Variants in C11orf65 observed in about 807,000 individuals in gnomAD.
The protein encoded by C11orf65 is protein MFI.
Under a neutral mutation model 35.3 loss-of-function variants are expected in C11orf65, and 38 were observed. The observed-to-expected ratio is 1.08, with a 90% CI of 0.83 to 1.41. The LOEUF is 1.41. C11orf65 is among the 40% of genes most tolerant of loss of function. The pLI, the probability that C11orf65 is intolerant of heterozygous loss-of-function variation, is 0.00. For synonymous variants in C11orf65, 105 were observed against 114.4 expected, an observed-to-expected ratio of 0.92 and a Z score of 0.53; for missense variants, 370 against 367.1, an observed-to-expected ratio of 1.01 and a Z score of -0.06.
At chr11:108,445,093 A>G (rs1217841832) in intron 2 of C11orf65, among the ~76,000 whole-genome samples, 2 of 152,178 alleles carry the variant, frequency 1.3e-5, no homozygotes, top group African/African-American at 4.8e-5. Flanking sequence ...GATTTGGTAA[A>G]CAAAGCAGCC....
intron 6 of C11orf65, among the ~76,000 whole-genome samples, chr11:108,323,010 A>G (rs2085345094): frequency 6.6e-6 from 1 of 152,116 alleles, no homozygotes; most frequent in Admixed American, 6.6e-5. Context: ...TGGTCTCTAA[A>G]GCCCCTTTTA....
At chr11:108,378,076 A>C (rs2091775036), downstream of C11orf65, among the ~76,000 whole-genome samples, 1 of 152,000 alleles carries the variant, frequency 6.6e-6, no homozygotes, top group Non-Finnish European at 1.5e-5. Context: ...TTATAGATTC[A>C]ATGCCATCCT....
intron 2 of C11orf65, among the ~76,000 whole-genome samples, chr11:108,445,999 G>A (rs548319336): frequency 1.1e-4 from 17 of 152,260 alleles, no homozygotes; most frequent in East Asian, 5.8e-4. Flanking sequence ...GAGCCGACGC[G>A]ATCAACTGGA....
At chr11:108,365,253 T>G in intron 2 of C11orf65, 2 of 1,614,192 alleles carry the variant, frequency 1.2e-6, no homozygotes, top group Non-Finnish European at 1.7e-6. Flanking sequence ...TGTTGTCAGT[T>G]TTTCAGATTT....
intron 2 of C11orf65, among the ~76,000 whole-genome samples, chr11:108,445,225 C>A (rs1310790962): frequency 6.6e-6 from 1 of 152,196 alleles, no homozygotes; most frequent in East Asian, 1.9e-4. Flanking sequence ...TGCAGACTTA[C>A]ATGTCCCTGT....
chr11:108,311,929 A>G (rs747370850), intron 6 of C11orf65, among the ~76,000 whole-genome samples: 3 of 152,180 alleles, frequency 2.0e-5, no homozygotes, highest in African/African-American at 4.8e-5. Context: ...CTGACTGTCA[A>G]ACTTTCTAGT....
intron 2 of C11orf65, among the ~76,000 whole-genome samples, chr11:108,452,299 A>C (rs1377479842): frequency 1.3e-5 from 2 of 152,232 alleles, no homozygotes; most frequent in African/African-American, 4.8e-5. Flanking sequence ...GAACTTAAAC[A>C]AATTTACAAG....
At chr11:108,438,171 A>G (rs2093093652) in intron 2 of C11orf65, among the ~76,000 whole-genome samples, 1 of 152,222 alleles carries the variant, frequency 6.6e-6, no homozygotes, top group Admixed American at 6.5e-5. Context: ...TTTTCAACAA[A>G]TGTATCCGTG....
At chr11:108,330,288 G>A (rs768461085), downstream of C11orf65, 51 of 1,614,066 alleles carry the variant, frequency 3.2e-5, no homozygotes, top group Admixed American at 1.7e-4. Flanking sequence ...GATCGTAAAC[G>A]CTTCTTATGT....
At chr11:108,365,808 T>A in intron 2 of C11orf65, 1 of 382,234 alleles carries the variant, frequency 2.6e-6, no homozygotes, top group South Asian at 2.6e-5. Flanking sequence ...GGTCAGGAGT[T>A]CGAGACCAGC....
In C11orf65 at chr11:108,374,359, C is replaced by T. The variant is rs1353133682; in HGVS notation, c.226+18849G>A. On this transcript the variant is annotated intron_variant, in intron 2 of 3. Coordinates refer to the C11orf65 transcript ENST00000524755. ...ATCCGTGGTTCTGCAGACACCGCTG[C>T]TGATACCCAGGTAAACAGGGTCTGG... 2.1e-5 allele frequency among the ~76,000 whole-genome samples: 3 copies of T among 141,626 alleles called. No individual in the cohort carries two copies. The Admixed American group carries it at 2.3e-4, about 11-fold the overall frequency. 92.9% of individuals were successfully genotyped at this position (141,626 alleles called of 152,430 possible).
intron 2 of C11orf65, among the ~76,000 whole-genome samples, chr11:108,443,421 CAG>C (rs2093193019): frequency 1.3e-5 from 2 of 152,086 alleles, no homozygotes. Context: ...ATCAACGAAA[CAG>C]AAGGTTAACA....
intron 2 of C11orf65, among the ~76,000 whole-genome samples, chr11:108,451,488 G>A (rs1037342096): frequency 1.2e-4 from 18 of 151,872 alleles, no homozygotes; most frequent in Non-Finnish European, 2.5e-4. Context: ...ACAAACCACT[G>A]CTCAACAAAA....
At chr11:108,365,017 A>G (rs2091183843) in intron 2 of C11orf65, 1 of 1,567,728 alleles carries the variant, frequency 6.4e-7, no homozygotes, top group Non-Finnish European at 8.7e-7. Flanking sequence ...TACTGGTTCT[A>G]CTGTTTCTAA....
intron 2 of C11orf65, among the ~76,000 whole-genome samples, chr11:108,437,707 TAAAAA>T (rs145337876): frequency 5.3e-5 from 2 of 38,030 alleles, no homozygotes; most frequent in African/African-American, 2.8e-4. Context: ...GACTCAGTCT[TAAAAA>T]AAAAAAAAAA....
In C11orf65 at chr11:108,385,956, C is replaced by T. The variant is rs1298177479; in HGVS notation, c.751G>A (p.Glu251Lys). The change falls in exon 8 of 9, where the codon GAA becomes AAA. Residue 251 changes from glutamate to lysine, a missense_variant. Coordinates refer to ENST00000393084, the MANE Select transcript of C11orf65 (RefSeq NM_152587.5). ...GCCGAAGAGTTGCTTGTAGCAATTT[C>T]CTTCCAGCTGGCAATGTACCTAAGC... ...NFDEYIASWK[E>K]IATSNSSANF... 3 of 1,613,802 alleles carry T rather than the reference C, an allele frequency of 1.9e-6. No individual in the cohort carries two copies. Among genetic ancestry groups the T allele is most frequent in the East Asian group, 4.5e-5 (2 of 44,864 alleles).
At chr11:108,435,101 G>A (rs1276123348) in intron 2 of C11orf65, among the ~76,000 whole-genome samples, 1 of 152,158 alleles carries the variant, frequency 6.6e-6, no homozygotes, top group Non-Finnish European at 1.5e-5. Context: ...ATGAATTTGG[G>A]AATTAAGTGG....
intron 2 of C11orf65, among the ~76,000 whole-genome samples, chr11:108,346,061 T>C (rs543061298): frequency 6.6e-6 from 1 of 152,318 alleles, no homozygotes; most frequent in South Asian, 2.1e-4. Context: ...TTAAATCATA[T>C]GTTTCTTGTT....
At chr11:108,461,401 A>G (rs2093471800) in intron 2 of C11orf65, 78 bp downstream of exon 2, 2 of 1,169,708 alleles carry the variant, frequency 1.7e-6, no homozygotes, top group Admixed American at 2.1e-5. Flanking sequence ...TTCTGTCTTA[A>G]AAAAAAAAAT....
Sources: allele counts gnomAD v4.1 joint callset (sites outside exome capture counted in the v4.1 genomes callset), GRCh38; gene constraint gnomAD v4.1.1; transcripts MANE v1.5; gene names NCBI Gene and HGNC (gene_info 2026-07-23, HGNC 2026-07-21).